The following CELF4 variants were observed in gnomAD, a reference collection of about 807,000 sequenced individuals.
CELF4 encodes the protein CUGBP Elav-like family member 4.
Under a neutral mutation model 59.9 loss-of-function variants are expected in CELF4, and 18 were observed. The observed-to-expected ratio is 0.30, with a 90% confidence interval of 0.21 to 0.45. CELF4 has a LOEUF of 0.45. CELF4 is among the 20% of genes least tolerant of loss of function. CELF4 has a pLI of 1.00. For synonymous variants in CELF4, 261 were observed against 267.1 expected, an observed-to-expected ratio of 0.98 and a Z score of 0.22; for missense variants, 456 against 689.0, an observed-to-expected ratio of 0.66 and a Z score of 3.79.
At chr18:37,333,244 C>T (rs116386752) in intron 2 of CELF4, among the ~76,000 whole-genome samples, 2,942 of 152,176 alleles carry the variant, frequency 0.019, 110 homozygotes, top group African/African-American at 0.068. Context: ...TAAACATGAT[C>T]GCTCAGGCCA....
chr18:37,369,819 ACT>A (rs1361947372), intron 2 of CELF4, among the ~76,000 whole-genome samples: 3 of 152,108 alleles, frequency 2.0e-5, no homozygotes, highest in African/African-American at 4.8e-5. Context: ...CTGTGTTCAT[ACT>A]CTCTGTGCCC....
intron 2 of CELF4, among the ~76,000 whole-genome samples, chr18:37,366,797 G>A (rs1042282879): frequency 7.2e-5 from 11 of 152,018 alleles, no homozygotes; most frequent in African/African-American, 2.4e-4. Context: ...TAAATTCCAC[G>A]CTTCTATTTT....
At chr18:37,354,002 G>A (rs537373445) in intron 2 of CELF4, among the ~76,000 whole-genome samples, 103 of 152,154 alleles carry the variant, frequency 6.8e-4, no homozygotes, top group Middle Eastern at 3.4e-3. Context: ...TGATCTGCCC[G>A]CCTCGGCCTC....
intron 2 of CELF4, among the ~76,000 whole-genome samples, chr18:37,403,725 C>A (rs957506782): frequency 6.6e-6 from 1 of 152,160 alleles, no homozygotes; most frequent in Non-Finnish European, 1.5e-5. Context: ...TAGGCAGAAG[C>A]GTGAGTGATA....
At chr18:37,307,428 G>A (rs1168188892) in intron 3 of CELF4, among the ~76,000 whole-genome samples, 1 of 152,144 alleles carries the variant, frequency 6.6e-6, no homozygotes, top group African/African-American at 2.4e-5. Context: ...GGAAAACAGA[G>A]GAAGACAAAA....
At chr18:37,321,274 T>G (rs776810106) in intron 3 of CELF4, among the ~76,000 whole-genome samples, 37 of 152,072 alleles carry the variant, frequency 2.4e-4, no homozygotes, top group Non-Finnish European at 4.1e-4. Context: ...GTCTGTGGAG[T>G]GAGGCTGTGT....
intron 2 of CELF4, among the ~76,000 whole-genome samples, chr18:37,407,591 A>G (rs2099398605): frequency 1.0e-5 from 1 of 96,170 alleles, no homozygotes; most frequent in Admixed American, 1.2e-4. Context: ...GTGTGGGTAT[A>G]TGTGTATATA....
chr18:37,477,147 T>C (rs2099852232), intron 2 of CELF4, among the ~76,000 whole-genome samples: 1 of 152,200 alleles, frequency 6.6e-6, no homozygotes, highest in African/African-American at 2.4e-5. Context: ...ATCCTTGCTC[T>C]GGGTCAGTTC....
rs2096906830 is a variant in CELF4 at position 37,317,435 on chromosome 18, C to T, written c.448+4368G>A. Among the ~76,000 whole-genome samples the T allele has an allele frequency of 4.6e-5, 7 of 152,278 alleles. No homozygotes were observed. The South Asian group carries it at 1.5e-3, about 32-fold the overall frequency. ...ATATTTCCATAAAATCCCTAACACTCAGTCAGTGTTCTGTAAATAACAGCT... is the reference window on the plus strand; with the variant it reads ...ATATTTCCATAAAATCCCTAACACTTAGTCAGTGTTCTGTAAATAACAGCT... On this transcript the variant is annotated intron_variant, in intron 3 of 12. Coordinates refer to ENST00000420428, the MANE Select transcript of CELF4 (RefSeq NM_020180.4).
At chr18:37,300,048 G>A (rs2095903907) in intron 3 of CELF4, among the ~76,000 whole-genome samples, 1 of 152,140 alleles carries the variant, frequency 6.6e-6, no homozygotes, top group African/African-American at 2.4e-5. Context: ...ACCTGAAACT[G>A]CCCCCACCCC....
chr18:37,497,111 G>A (rs1448306101), intron 1 of CELF4, among the ~76,000 whole-genome samples: 1 of 152,158 alleles, frequency 6.6e-6, no homozygotes, highest in Non-Finnish European at 1.5e-5. Context: ...GGGTAAGACA[G>A]AGCCTAGCAT....
At chr18:37,319,247 C>G (rs2096991219) in intron 3 of CELF4, among the ~76,000 whole-genome samples, 1 of 152,224 alleles carries the variant, frequency 6.6e-6, no homozygotes, top group Admixed American at 6.5e-5. Flanking sequence ...GTGAGGATGG[C>G]ACTCCTCTCA....
At chr18:37,313,555 G>T (rs965328104) in intron 3 of CELF4, among the ~76,000 whole-genome samples, 8 of 152,328 alleles carry the variant, frequency 5.3e-5, no homozygotes, top group Admixed American at 3.9e-4. Context: ...AGTACCAAAA[G>T]TCAGCAGTTG....
chr18:37,275,919 A>C (rs955003908), intron 3 of CELF4: 13 of 152,270 alleles, frequency 8.5e-5, no homozygotes, highest in African/African-American at 3.1e-4. Flanking sequence ...GGGGAAAGAG[A>C]CCAGGCCTCT....
chr18:37,283,741 C>G (rs57122220), intron 3 of CELF4, among the ~76,000 whole-genome samples: 2,291 of 151,706 alleles, frequency 0.015, 66 homozygotes, highest in African/African-American at 0.053. Context: ...AGTGATGAGC[C>G]CTGTAGGTAT....
intron 2 of CELF4, among the ~76,000 whole-genome samples, chr18:37,433,925 G>C (rs558880701): frequency 1.2e-4 from 19 of 152,312 alleles, no homozygotes; most frequent in African/African-American, 4.6e-4. Flanking sequence ...GGCAGAGTTT[G>C]GAAGTGTTTA....
chr18:37,481,003 C>A (rs1305205670), intron 2 of CELF4, among the ~76,000 whole-genome samples: 1 of 152,110 alleles, frequency 6.6e-6, no homozygotes, highest in Non-Finnish European at 1.5e-5. Context: ...TAACATCTTT[C>A]CTGGTAAACT....
At chr18:37,431,362 C>CA (rs1221308303) in intron 2 of CELF4, among the ~76,000 whole-genome samples, 10 of 81,566 alleles carry the variant, frequency 1.2e-4, no homozygotes, top group African/African-American at 4.9e-4. Flanking sequence ...CCTTTCTTTC[C>CA]TTTTTTTTTT....
At chr18:37,443,503 C>T (rs1255587670) in intron 2 of CELF4, among the ~76,000 whole-genome samples, 3 of 152,092 alleles carry the variant, frequency 2.0e-5, no homozygotes, top group African/African-American at 4.8e-5. Flanking sequence ...GTGCATGTGC[C>T]GAAGTGTTTT....
Sources: allele counts gnomAD v4.1 joint callset (sites outside exome capture counted in the v4.1 genomes callset), GRCh38; gene constraint gnomAD v4.1.1; transcripts MANE v1.5; gene names NCBI Gene and HGNC (gene_info 2026-07-23, HGNC 2026-07-21).